Variants in NCDN observed in about 807,000 individuals in gnomAD.
NCDN encodes neurochondrin, also known as norbin.
In NCDN, 9 loss-of-function variants were observed where a neutral mutation model predicts 60.7. That is an observed-to-expected ratio of 0.15 (90% CI 0.09 to 0.26). The LOEUF is 0.26. Ranked by LOEUF, NCDN falls within the 10% of genes least tolerant of loss-of-function variation. NCDN has a pLI of 1.00. For missense variants in NCDN, 578 were observed against 975.2 expected (o/e 0.59, Z 5.42); for synonymous variants, 409 against 442.5 (o/e 0.92, Z 0.95).
At position 35,558,904 on chromosome 1, in the gene NCDN, C is replaced by T. The variant is rs1381426829; in HGVS notation, c.34-203C>T. ...TGGAGGTGACCTTGGACCAGGGTCC[C>T]TTCTTTATCCCTAAGGATTTGCAGA... On this transcript the variant is annotated intron_variant, in intron 1 of 6. Transcript: ENST00000373243. The surrounding 1 kb of genome is among the most constrained non-coding windows in gnomAD (Gnocchi z 6.3). Among the ~76,000 whole-genome samples, 2 of 152,096 alleles carry T rather than the reference C, an allele frequency of 1.3e-5. No individual in the cohort carries two copies. The highest frequency in any genetic ancestry group is 2.9e-5 in the Non-Finnish European group (2 of 68,008).
Position 35,558,980 on chromosome 1 carries a change from C to T in NCDN, c.34-127C>T, listed in dbSNP as rs1175172091. On this transcript the variant is annotated intron_variant, in intron 1 of 6. Transcript: ENST00000373243. This position sits in a 1 kb window ranked among gnomAD's most constrained non-coding sequence, Gnocchi z 6.3. ...GGGGAGGTCAGTCCTGAGGAGTCCA[C>T]CCCTCCAGATTCTCTCCTCCCCTCC... 4 of 1,019,112 alleles carry T rather than the reference C, an allele frequency of 3.9e-6. No individual in the cohort carries two copies. Among genetic ancestry groups the T allele is most frequent in the South Asian group, 1.6e-5 (1 of 64,244 alleles). 63.1% of individuals were successfully genotyped at this position (1,019,112 alleles called of 1,614,324 possible). A position where few individuals can be genotyped will look rare whatever the true frequency, so the allele number is the denominator to read the frequency against.
chr1:35,565,067 A>G lies in NCDN; in HGVS notation c.1754-160A>G, dbSNP rs912851231. The G allele has an allele frequency of 5.9e-6, 4 of 675,262 alleles. No homozygotes were observed. The highest frequency in any genetic ancestry group is 2.7e-5 in the East Asian group (1 of 36,892). The allele number at this position is 675,262 out of a possible 1,614,324, so 41.8% of individuals were successfully genotyped here. On this transcript the variant is annotated intron_variant, in intron 6 of 6. Transcript: ENST00000373243. The surrounding 1 kb of genome is among the most constrained non-coding windows in gnomAD (Gnocchi z 8.9). ...CAGACCCAGAAAAGTTAATTACCCA[A>G]GGTCACACAGTGAGCATCTAAGGCA...
Position 35,563,757 on chromosome 1 carries a change from T to A in NCDN, c.1611-10T>A. 6.2e-7 allele frequency: 1 copy of A among 1,613,288 alleles called. No homozygotes were observed. The highest frequency in any genetic ancestry group is 8.5e-7 in the Non-Finnish European group (1 of 1,179,614). On this transcript the variant is annotated splice_polypyrimidine_tract_variant and intron_variant, in intron 5 of 6. Transcript: ENST00000373243. The surrounding 1 kb of genome is among the most constrained non-coding windows in gnomAD (Gnocchi z 6.6). The stretch of plus-strand genomic sequence containing the variant: ...CACCTACCTCCATCCTTCCCCCCTT[T>A]CTTTTCCAGGCGTGACGCCTGCTTC...
chr1:35,563,447 G>T lies in NCDN; in HGVS notation c.1610+21G>T, dbSNP rs1214676552. On this transcript the variant is annotated intron_variant, in intron 5 of 6. Transcript: ENST00000373243. This position sits in a 1 kb window ranked among gnomAD's most constrained non-coding sequence, Gnocchi z 6.6. ...ATCAAGTGAGGGGCTCGGGAGAGGT[G>T]GGGGAGGAGGCCGGAGGAGGCAAAG... 1.2e-6 allele frequency: 2 copies of T among 1,605,752 alleles called. No homozygotes were observed. The highest frequency in any genetic ancestry group is 1.7e-6 in the Non-Finnish European group (2 of 1,173,418).
rs1176776585 is a variant in NCDN, at chr1:35,563,454, G to A, written c.1610+28G>A. ...GAGGGGCTCGGGAGAGGTGGGGGAG[G>A]AGGCCGGAGGAGGCAAAGGAGGCTG... On this transcript the variant is annotated intron_variant, in intron 5 of 6. Transcript: ENST00000373243. This position sits in a 1 kb window ranked among gnomAD's most constrained non-coding sequence, Gnocchi z 6.6. 6.2e-7 allele frequency: 1 copy of A among 1,601,120 alleles called. No homozygotes were observed. Among genetic ancestry groups the A allele is most frequent in the African/African-American group, 1.3e-5 (1 of 74,698 alleles).
chr1:35,563,501 T>A lies in NCDN; in HGVS notation c.1610+75T>A. The A allele has an allele frequency of 6.7e-7, 1 of 1,494,774 alleles. No individual in the cohort carries two copies. 92.6% of individuals were successfully genotyped at this position (1,494,774 alleles called of 1,614,324 possible). A position where few individuals can be genotyped will look rare whatever the true frequency, so the allele number is the denominator to read the frequency against. On this transcript the variant is annotated intron_variant, in intron 5 of 6. Coordinates refer to ENST00000373243, the MANE Select transcript of NCDN (RefSeq NM_014284.3). The surrounding 1 kb of genome is among the most constrained non-coding windows in gnomAD (Gnocchi z 6.6). ...GCTGCCCAGTTGCCTCAATTCTCAG[T>A]CTCCTACTTTGCCCCCCATGCCCAT...
At position 35,559,157 on chromosome 1, in the gene NCDN, G is replaced by C. The variant is rs1274228265; in HGVS notation, c.84G>C (p.Gln28His). The change falls in exon 2 of 7, where the codon CAG becomes CAC. Residue 28 changes from glutamine (Q) to histidine (H), a missense_variant. Gln to His is a conservative substitution (Grantham distance 24). This residue lies in a region of NCDN where 363 missense variants were observed against 583.6 expected (regional missense o/e 0.62). Coordinates refer to ENST00000373243, the MANE Select transcript of NCDN (RefSeq NM_014284.3). Reference sequence around the variant, plus strand: ...CGGATTGCGAGCCAGCTCTGAACCAGGCAGAGGGCCGAAACCCCACCCTGG... The same window carrying C: ...CGGATTGCGAGCCAGCTCTGAACCACGCAGAGGGCCGAAACCCCACCCTGG... Reference protein sequence around the residue: ...MASDCEPALNQAEGRNPTLER... With the variant: ...MASDCEPALNHAEGRNPTLER... 5.6e-6 allele frequency: 9 copies of C among 1,613,672 alleles called. No individual in the cohort carries two copies. Among genetic ancestry groups the C allele is most frequent in the Non-Finnish European group, 7.6e-6 (9 of 1,179,910 alleles).
chr1:35,565,557 C>A lies in NCDN; in HGVS notation c.2084C>A (p.Ala695Glu). 6.4e-7 allele frequency: 1 copy of A among 1,565,054 alleles called. No homozygotes were observed. Residue 695 changes from alanine to glutamate, a missense_variant, in exon 7 of 7, where the codon GCG (alanine) becomes GAG (glutamate). Ala to Glu is a moderately radical substitution (Grantham distance 107). Around this residue, in one of 3 missense-constraint regions of NCDN, gnomAD observed 191 missense variants for 372.1 expected, o/e 0.51. Transcript: ENST00000373243. This position sits in a 1 kb window ranked among gnomAD's most constrained non-coding sequence, Gnocchi z 8.9. ...TATCAGGGTGTCCTGGTGGAGCTGG[C>A]GCGGGCCAACCGGCTGTGCCGGGAG... Reference protein sequence around the residue: ...AAYQGVLVELARANRLCREAM... With the variant: ...AAYQGVLVELERANRLCREAM...
Position 35,561,268 on chromosome 1 carries a change from G to A in NCDN, c.1117G>A (p.Gly373Arg). 2 of 1,602,776 alleles carry A rather than the reference G, an allele frequency of 1.2e-6. No individual in the cohort carries two copies. The highest frequency in any genetic ancestry group is 1.7e-6 in the Non-Finnish European group (2 of 1,176,580). ...QLVSVMKEAI[G>R]AVIHYLLQVG... Reference sequence around the variant, plus strand: ...CGTGAGCGTCATGAAGGAGGCCATAGGGGCTGTTATCCACTACCTGCTGCA... The same window carrying A: ...CGTGAGCGTCATGAAGGAGGCCATAAGGGCTGTTATCCACTACCTGCTGCA... The change falls in exon 3 of 7, where the codon GGG becomes AGG. Residue 373 changes from glycine (G) to arginine (R), a missense_variant. This residue lies in a region of NCDN where 363 missense variants were observed against 583.6 expected (regional missense o/e 0.62). Transcript: ENST00000373243. This position sits in a 1 kb window ranked among gnomAD's most constrained non-coding sequence, Gnocchi z 4.9.
chr1:35,560,207 T>A lies in NCDN; in HGVS notation c.175-119T>A, dbSNP rs1170752730. ...AAAAAAGGAGCTGGATGAAATGACC[T>A]CAGATGAGTCCTGTTGCATAACCTC... On this transcript the variant is annotated intron_variant, in intron 2 of 6. Coordinates refer to ENST00000373243, the MANE Select transcript of NCDN (RefSeq NM_014284.3). This position sits in a 1 kb window ranked among gnomAD's most constrained non-coding sequence, Gnocchi z 7.6. The A allele has an allele frequency of 7.5e-7, 1 of 1,326,244 alleles. No individual in the cohort carries two copies. Among genetic ancestry groups the A allele is most frequent in the Non-Finnish European group, 1.0e-6 (1 of 969,704 alleles). 82.2% of individuals were successfully genotyped at this position (1,326,244 alleles called of 1,614,324 possible).
chr1:35,558,651 G>T lies in NCDN; in HGVS notation c.33+428G>T. ...AGCCTGGGGTGTCCTTTTCTCCCAT[G>T]TCAGCCTGAGTCCGGATAATCGAAC... is the stretch of plus-strand genomic sequence containing the variant. On this transcript the variant is annotated intron_variant, in intron 1 of 6. Transcript: ENST00000373243. This position sits in a 1 kb window ranked among gnomAD's most constrained non-coding sequence, Gnocchi z 6.3. 8.8e-7 allele frequency: 1 copy of T among 1,141,252 alleles called. No homozygotes were observed. 70.7% of individuals were successfully genotyped at this position (1,141,252 alleles called of 1,614,324 possible). A position where few individuals can be genotyped will look rare whatever the true frequency, so the allele number is the denominator to read the frequency against.
rs753848215 is a variant in NCDN, at chr1:35,561,249, C to T, written c.1098C>T (p.Ser366=). 3.1e-5 allele frequency: 50 copies of T among 1,609,746 alleles called. No homozygotes were observed. Among genetic ancestry groups the T allele is most frequent in the Non-Finnish European group, 3.9e-5 (46 of 1,179,176 alleles). Residue 366 remains serine, a synonymous_variant, in exon 3 of 7, where the codon AGC becomes AGT. Transcript: ENST00000373243. This position sits in a 1 kb window ranked among gnomAD's most constrained non-coding sequence, Gnocchi z 4.9. The part of the protein sequence containing the change: ...LKEPQKVQLV[S]VMKEAIGAVI... The stretch of plus-strand genomic sequence containing the variant: ...AGCCACAGAAGGTGCAGCTCGTGAG[C>T]GTCATGAAGGAGGCCATAGGGGCTG...
In NCDN at chr1:35,563,551, G is replaced by T. The variant is rs1318426384; in HGVS notation, c.1610+125G>T. 1 of 1,156,742 alleles carries T rather than the reference G, an allele frequency of 8.6e-7. No individual in the cohort carries two copies. The highest frequency in any genetic ancestry group is 1.2e-6 in the Non-Finnish European group (1 of 812,114). The allele number at this position is 1,156,742 out of a possible 1,614,324, so 71.7% of individuals were successfully genotyped here. On this transcript the variant is annotated intron_variant, in intron 5 of 6. Transcript: ENST00000373243. The surrounding 1 kb of genome is among the most constrained non-coding windows in gnomAD (Gnocchi z 6.6). ...TGGATTTGTTAGTGGTAGCATGGGG[G>T]TCTCAGAGTAGACATAGCCAGCCCC...
Position 35,563,627 on chromosome 1 carries a change from G to GAGATTGTT in NCDN, c.1611-140_1611-139insAGATTGTT. ...CCCCAGGTACTGTCTCAGCATGTCT[G>GAGATTGTT]CTTGTTCCAATCTCTGCCCCCCAGA... On this transcript the variant is annotated intron_variant, in intron 5 of 6. Coordinates refer to ENST00000373243, the MANE Select transcript of NCDN (RefSeq NM_014284.3). The surrounding 1 kb of genome is among the most constrained non-coding windows in gnomAD (Gnocchi z 6.6). The GAGATTGTT allele has an allele frequency of 8.8e-7, 1 of 1,135,846 alleles. No individual in the cohort carries two copies. Among genetic ancestry groups the GAGATTGTT allele is most frequent in the South Asian group, 1.5e-5 (1 of 67,760 alleles). The allele number at this position is 1,135,846 out of a possible 1,614,324, so 70.4% of individuals were successfully genotyped here. A position where few individuals can be genotyped will look rare whatever the true frequency, so the allele number is the denominator to read the frequency against.
chr1:35,559,425 A>G (rs530022594), intron 2 of NCDN, among the ~76,000 whole-genome samples, 178 bp downstream of exon 2: 37 of 152,244 alleles, frequency 2.4e-4, no homozygotes, highest in African/African-American at 8.9e-4. Context: ...ATGGGGGCAA[A>G]GAGGAGAATG....
At chr1:35,559,379 C>A (rs1325044475) in intron 2 of NCDN, 132 bp downstream of exon 2, 4 of 1,174,362 alleles carry the variant, frequency 3.4e-6, no homozygotes, top group Non-Finnish European at 4.8e-6. Flanking sequence ...AGGCCCAAGA[C>A]CCCTACCTTT....
chr1:35,558,515 C>G lies in NCDN; in HGVS notation c.33+292C>G. The G allele has an allele frequency of 7.3e-7, 1 of 1,367,086 alleles. No individual in the cohort carries two copies. The highest frequency in any genetic ancestry group is 9.4e-7 in the Non-Finnish European group (1 of 1,060,532). The allele number at this position is 1,367,086 out of a possible 1,614,324, so 84.7% of individuals were successfully genotyped here. ...GAGCCTGCGGGGGCGACTGAGAGCCCTGGCTGGAGGGGTGGGGTCCCCAAA... is the reference window on the plus strand; with the variant it reads ...GAGCCTGCGGGGGCGACTGAGAGCCGTGGCTGGAGGGGTGGGGTCCCCAAA... On this transcript the variant is annotated intron_variant, in intron 1 of 6. Coordinates refer to ENST00000373243, the MANE Select transcript of NCDN (RefSeq NM_014284.3). This position sits in a 1 kb window ranked among gnomAD's most constrained non-coding sequence, Gnocchi z 6.3.
chr1:35,565,465 G>T lies in NCDN; in HGVS notation c.1992G>T (p.Pro664=), dbSNP rs144764842. ...CCGCTGCCCTGCGCTCCCGCTGGCC[G>T]CAGGAGCTGCTCCAGCTGCTAGGCA... ...LAPAALRSRW[P]QELLQLLGSV... is the part of the protein sequence containing the mutation. Residue 664 remains proline, a synonymous_variant, in exon 7 of 7, where the codon CCG becomes CCT. Transcript: ENST00000373243. This position sits in a 1 kb window ranked among gnomAD's most constrained non-coding sequence, Gnocchi z 8.9. 1.2e-6 allele frequency: 2 copies of T among 1,605,836 alleles called. No individual in the cohort carries two copies. The highest frequency in any genetic ancestry group is 1.3e-5 in the African/African-American group (1 of 74,798).
Position 35,559,205 on chromosome 1 carries a change from T to G in NCDN, c.132T>G (p.Arg44=), listed in dbSNP as rs766280661. ...TGGAGCGCTACCTGGGAGCCCTCCGTGAGGCCAAGAATGACAGCGAGCAGT... is the reference window on the plus strand; with the variant it reads ...TGGAGCGCTACCTGGGAGCCCTCCGGGAGGCCAAGAATGACAGCGAGCAGT... ...PTLERYLGAL[R]EAKNDSEQFA... The change falls in exon 2 of 7, where the codon CGT becomes CGG. Residue 44 remains arginine (R), a synonymous_variant. Transcript: ENST00000373243. 1.2e-5 allele frequency: 19 copies of G among 1,613,948 alleles called. No homozygotes were observed. Among genetic ancestry groups the G allele is most frequent in the Middle Eastern group, 1.6e-4 (1 of 6,082 alleles).
Sources: allele counts gnomAD v4.1 joint callset (sites outside exome capture counted in the v4.1 genomes callset), GRCh38; gene constraint gnomAD v4.1.1; regional missense constraint gnomAD v4.1.1; non-coding constraint Gnocchi (gnomAD v3.1); transcripts MANE v1.5; gene names NCBI Gene and HGNC (gene_info 2026-07-23, HGNC 2026-07-21).